Variants in OR52N4 observed in about 807,000 individuals in gnomAD.
OR52N4 encodes olfactory receptor 52N4.
Under a neutral mutation model 15.0 loss-of-function variants are expected in OR52N4, and 15 were observed. The observed-to-expected ratio is 1.00, with a 90% CI of 0.67 to 1.54. The LOEUF is 1.54. Among genes scored for constraint, OR52N4 ranks in the 40% most tolerant of loss-of-function variants. The pLI is 0.00. For synonymous variants in OR52N4, 143 were observed against 143.7 expected (o/e 1.00, Z 0.03); for missense variants, 421 against 394.0 (o/e 1.07, Z -0.58).
At chr11:5,736,076 T>C in the OR52N4 span, 1 of 167,772 alleles carries the variant, frequency 6.0e-6, no homozygotes, top group Admixed American at 5.6e-5. Context: ...AATTCAGCCA[T>C]AATCACTAAC....
At chr11:5,737,086 C>T in the OR52N4 span, 2 of 1,613,914 alleles carry the variant, frequency 1.2e-6, no homozygotes, top group African/African-American at 1.3e-5. Context: ...TGTGCTCTAA[C>T]CTTGGGGTCA....
At chr11:5,751,232 T>C (rs1204119544), upstream of OR52N4, among the ~76,000 whole-genome samples, 1 of 152,056 alleles carries the variant, frequency 6.6e-6, no homozygotes, top group African/African-American at 2.4e-5. Context: ...GTGTATAATT[T>C]TCATTCTGAT....
chr11:5,745,243 G>A, the OR52N4 span, among the ~76,000 whole-genome samples: 1 of 152,116 alleles, frequency 6.6e-6, no homozygotes, highest in African/African-American at 2.4e-5. Flanking sequence ...AATTTAACAA[G>A]AGAAAGTCAA....
chr11:5,748,180 T>C, the OR52N4 span, among the ~76,000 whole-genome samples: 4 of 151,950 alleles, frequency 2.6e-5, no homozygotes, highest in Non-Finnish European at 5.9e-5. Flanking sequence ...TATGCTATAA[T>C]GCAACATGAT....
chr11:5,742,159 A>G, the OR52N4 span, among the ~76,000 whole-genome samples: 2,012 of 152,184 alleles, frequency 0.013, 47 homozygotes, highest in African/African-American at 0.046. Flanking sequence ...AAAGAAAAAC[A>G]GAAAAAAGGA....
chr11:5,746,714 A>G, the OR52N4 span, among the ~76,000 whole-genome samples: 1 of 152,130 alleles, frequency 6.6e-6, no homozygotes, highest in Non-Finnish European at 1.5e-5. Flanking sequence ...AAATTAGGAA[A>G]CCTTTATGGA....
the OR52N4 span, among the ~76,000 whole-genome samples, chr11:5,731,743 T>C: frequency 1.3e-5 from 2 of 152,154 alleles, no homozygotes; most frequent in South Asian, 4.1e-4. Flanking sequence ...ACCCCTCCTT[T>C]TTTCAGCAAC....
chr11:5,750,269 T>C (rs1240535652), upstream of OR52N4, among the ~76,000 whole-genome samples: 1 of 151,986 alleles, frequency 6.6e-6, no homozygotes, highest in Non-Finnish European at 1.5e-5. Context: ...AACACATACT[T>C]GGATATGTGC....
upstream of OR52N4, among the ~76,000 whole-genome samples, chr11:5,750,447 T>C (rs937262215): frequency 2.2e-5 from 3 of 137,550 alleles, no homozygotes; most frequent in East Asian, 2.3e-4. Flanking sequence ...TACAAAGCAA[T>C]GTATAGCCCA....
the OR52N4 span, among the ~76,000 whole-genome samples, chr11:5,731,335 T>A: frequency 4.6e-5 from 7 of 152,186 alleles, no homozygotes; most frequent in Non-Finnish European, 1.0e-4. Context: ...AAGCATTTTG[T>A]ATGTTCAAGA....
At chr11:5,739,169 A>T in the OR52N4 span, among the ~76,000 whole-genome samples, 3 of 125,784 alleles carry the variant, frequency 2.4e-5, no homozygotes, top group Non-Finnish European at 5.2e-5. Flanking sequence ...TTTTACTAAC[A>T]ATATAGTTGA....
upstream of OR52N4, among the ~76,000 whole-genome samples, chr11:5,752,437 G>GGTTA (rs1226499543): frequency 3.3e-5 from 5 of 152,116 alleles, no homozygotes; most frequent in African/African-American, 7.2e-5. Flanking sequence ...TATTAATGGA[G>GGTTA]GTTAGGATGA....
chr11:5,750,519 A>G (rs554807692), upstream of OR52N4, among the ~76,000 whole-genome samples: 15 of 152,136 alleles, frequency 9.9e-5, no homozygotes, highest in Non-Finnish European at 1.6e-4. Context: ...TGAGATGGAG[A>G]AAAGAATCGT....
the OR52N4 span, chr11:5,737,554 G>A: frequency 7.0e-7 from 1 of 1,422,310 alleles, no homozygotes; most frequent in African/African-American, 1.4e-5. Flanking sequence ...AAATTTCAAA[G>A]AGGATAAATG....
At chr11:5,739,984 CT>C in the OR52N4 span, among the ~76,000 whole-genome samples, 2 of 128,812 alleles carry the variant, frequency 1.6e-5, 1 homozygote, top group African/African-American at 5.6e-5. Context: ...CTTTCCTTCT[CT>C]TTCTCTTTTC....
chr11:5,755,958 A>C lies in OR52N4; in HGVS notation c.*252A>C. On this transcript the variant is annotated 3_prime_UTR_variant, in exon 2 of 2. Transcript: ENST00000641350. Reference sequence around the variant, plus strand: ...ATTAAACCATATTTTATTCGACAAAACCTAATGAGTCCATTTTTTATGAAA... The same window carrying C: ...ATTAAACCATATTTTATTCGACAAACCCTAATGAGTCCATTTTTTATGAAA... 1 of 433,704 alleles carries C rather than the reference A, an allele frequency of 2.3e-6. No homozygotes were observed. The highest frequency in any genetic ancestry group is 4.1e-6 in the Non-Finnish European group (1 of 245,252). 26.9% of individuals were successfully genotyped at this position (433,704 alleles called of 1,614,324 possible).
In OR52N4 at chr11:5,755,168, T is replaced by C. The variant is rs536591037; in HGVS notation, c.428T>C (p.Ile143Thr). Residue 143 changes from isoleucine to threonine, a missense_variant, in exon 2 of 2, where the codon ATT becomes ACT. Physicochemically the swap from Ile to Thr is moderately conservative, Grantham distance 89 (BLOSUM62 -1). Coordinates refer to ENST00000641350, the MANE Select transcript of OR52N4 (RefSeq NM_001005175.5). ...RYSTILTNPV[I>T]AKVGTATFLR... Reference sequence around the variant, plus strand: ...TCAACTATCCTCACCAATCCTGTAATTGCAAAGGTTGGGACTGCCACCTTC... The same window carrying C: ...TCAACTATCCTCACCAATCCTGTAACTGCAAAGGTTGGGACTGCCACCTTC... 139 of 1,613,966 alleles carry C rather than the reference T, an allele frequency of 8.6e-5. No homozygotes were observed. The highest frequency in any genetic ancestry group is 1.1e-4 in the Non-Finnish European group (129 of 1,179,996).
upstream of OR52N4, among the ~76,000 whole-genome samples, chr11:5,749,776 C>G (rs1251481937): frequency 3.3e-5 from 5 of 151,772 alleles, no homozygotes; most frequent in Non-Finnish European, 7.4e-5. Flanking sequence ...CAAAACAAAA[C>G]AAATTTATTG....
At chr11:5,750,390 A>G (rs1675593391), upstream of OR52N4, among the ~76,000 whole-genome samples, 1 of 151,990 alleles carries the variant, frequency 6.6e-6, no homozygotes, top group Non-Finnish European at 1.5e-5. Context: ...TGAAATGGTC[A>G]CTTTAACTCC....
Sources: gnomAD v4.1 joint callset for allele counts (sites outside exome capture counted in the v4.1 genomes callset) on GRCh38, gnomAD v4.1.1 for gene constraint, MANE v1.5 for transcripts, NCBI Gene and HGNC (gene_info 2026-07-23, HGNC 2026-07-21) for gene names.